Variants in RNLS observed in about 807,000 individuals in gnomAD.
RNLS encodes renalase, FAD dependent amine oxidase, also known as renalase.
In RNLS, 39 loss-of-function variants were observed where a neutral mutation model predicts 39.8. That is an observed-to-expected ratio of 0.98 (90% CI 0.76 to 1.28). The LOEUF (loss-of-function observed/expected upper bound fraction) is 1.28, where lower values mean the gene tolerates loss of function less well. Among genes scored for constraint, RNLS ranks in the 50% most tolerant of loss-of-function variants. RNLS has a pLI of 0.00. For synonymous variants in RNLS, 147 were observed against 150.7 expected (o/e 0.98, Z 0.18); for missense variants, 410 against 413.3 (o/e 0.99, Z 0.07).
rs114987088 is a variant in RNLS, at chr10:88,392,517, G to A, written c.527-29792C>T. 3.4e-3 allele frequency among the ~76,000 whole-genome samples: 519 copies of A among 152,294 alleles called. 5 individuals are homozygous for A. The highest frequency in any genetic ancestry group is 0.011 in the African/African-American group (469 of 41,570). ...TAGGCAAAGATTGGAGGACTTGTGAGCTCCAGGAATTTAAGAAAATCTTTG... is the reference window on the plus strand; with the variant it reads ...TAGGCAAAGATTGGAGGACTTGTGAACTCCAGGAATTTAAGAAAATCTTTG... On this transcript the variant is annotated intron_variant, in intron 4 of 6. Coordinates refer to ENST00000331772, the MANE Select transcript of RNLS (RefSeq NM_001031709.3).
chr10:88,200,748 G>T, the RNLS span, among the ~76,000 whole-genome samples: 4 of 152,186 alleles, frequency 2.6e-5, no homozygotes, highest in African/African-American at 9.7e-5. Context: ...TCACGGTAAA[G>T]AATTTGCTGC....
At chr10:88,179,330 A>G in the RNLS span, among the ~76,000 whole-genome samples, 4 of 152,240 alleles carry the variant, frequency 2.6e-5, no homozygotes, top group African/African-American at 9.6e-5. Flanking sequence ...GAGAAAAGCC[A>G]GCTCAAAAGT....
At chr10:88,341,312 A>G (rs1847939700) in intron 5 of RNLS, among the ~76,000 whole-genome samples, 1 of 144,082 alleles carries the variant, frequency 6.9e-6, no homozygotes, top group African/African-American at 2.6e-5. Flanking sequence ...CTGGGCAATG[A>G]GAGCAAAACT....
At chr10:88,459,679 G>T (rs1391459194) in intron 4 of RNLS, among the ~76,000 whole-genome samples, 1 of 152,110 alleles carries the variant, frequency 6.6e-6, no homozygotes, top group African/African-American at 2.4e-5. Context: ...CCACTGCTTG[G>T]AAGAGGACAA....
At chr10:88,196,783 A>C in the RNLS span, among the ~76,000 whole-genome samples, 2 of 152,204 alleles carry the variant, frequency 1.3e-5, no homozygotes, top group African/African-American at 4.8e-5. Flanking sequence ...TTATTGTTTT[A>C]ATTAATCCAC....
intron 4 of RNLS, among the ~76,000 whole-genome samples, chr10:88,430,992 T>C (rs1855104207): frequency 2.6e-5 from 4 of 151,694 alleles, no homozygotes; most frequent in Admixed American, 2.0e-4. Flanking sequence ...GCTTCATGAA[T>C]TAGGTTGGAA....
At chr10:88,513,415 G>C (rs572487690) in intron 4 of RNLS, among the ~76,000 whole-genome samples, 1 of 152,142 alleles carries the variant, frequency 6.6e-6, no homozygotes, top group East Asian at 1.9e-4. Flanking sequence ...TATTATAAAA[G>C]TTTTCAAATG....
the RNLS span, among the ~76,000 whole-genome samples, chr10:88,191,632 G>A: frequency 6.6e-6 from 1 of 152,160 alleles, no homozygotes; most frequent in African/African-American, 2.4e-5. Flanking sequence ...TATGCTCCTG[G>A]GGAGCCTGTG....
intron 4 of RNLS, among the ~76,000 whole-genome samples, chr10:88,544,372 C>T (rs1436403260): frequency 6.6e-6 from 1 of 152,204 alleles, no homozygotes; most frequent in Non-Finnish European, 1.5e-5. Flanking sequence ...CACTCTTCCT[C>T]ATTTGTTTCT....
intron 4 of RNLS, among the ~76,000 whole-genome samples, chr10:88,503,028 G>A (rs146220571): frequency 3.4e-4 from 51 of 152,182 alleles, no homozygotes; most frequent in African/African-American, 1.1e-3. Context: ...TCAATCCGTA[G>A]CCAATCATTT....
chr10:88,197,068 T>C, the RNLS span, among the ~76,000 whole-genome samples: 1 of 152,178 alleles, frequency 6.6e-6, no homozygotes, highest in Admixed American at 6.5e-5. Flanking sequence ...GTACAGGAGA[T>C]GAAAGTGCAT....
intron 6 of RNLS, among the ~76,000 whole-genome samples, chr10:88,299,907 G>A (rs1005222923): frequency 6.6e-6 from 1 of 152,104 alleles, no homozygotes; most frequent in African/African-American, 2.4e-5. Context: ...ACAGTTGTGA[G>A]GATCAAATGA....
chr10:88,349,879 TAATTA>T (rs1195182815), intron 5 of RNLS, among the ~76,000 whole-genome samples: 1 of 152,084 alleles, frequency 6.6e-6, no homozygotes, highest in Non-Finnish European at 1.5e-5. Context: ...TGACAGCTGT[TAATTA>T]AATTGCTTTA....
intron 4 of RNLS, among the ~76,000 whole-genome samples, chr10:88,539,360 A>T (rs1229746826): frequency 6.6e-6 from 1 of 152,188 alleles, no homozygotes. Context: ...AATTAAGATG[A>T]CAAAGGAGAA....
chr10:88,514,630 C>CTT (rs896833918), intron 4 of RNLS, among the ~76,000 whole-genome samples: 5 of 152,064 alleles, frequency 3.3e-5, no homozygotes, highest in African/African-American at 1.2e-4. Flanking sequence ...GCGTTTGACT[C>CTT]TTTTAGATAC....
Position 88,472,182 on chromosome 10 carries a change from G to A in RNLS, c.526+100721C>T, listed in dbSNP as rs111874220. ...AGTTAACCCCTTCCTTCCTGCCCAGGGCTGGGAAGGGGATGGCATAAGCAA... is the reference window on the plus strand; with the variant it reads ...AGTTAACCCCTTCCTTCCTGCCCAGAGCTGGGAAGGGGATGGCATAAGCAA... On this transcript the variant is annotated intron_variant, in intron 4 of 6. Coordinates refer to ENST00000331772, the MANE Select transcript of RNLS (RefSeq NM_001031709.3). Among the ~76,000 whole-genome samples, 402 of 152,278 alleles carry A rather than the reference G, an allele frequency of 2.6e-3. 2 individuals are homozygous for A. Among genetic ancestry groups the A allele is most frequent in the African/African-American group, 9.0e-3 (376 of 41,558 alleles).
At chr10:88,553,270 TG>T (rs1848687001) in intron 4 of RNLS, among the ~76,000 whole-genome samples, 2 of 152,222 alleles carry the variant, frequency 1.3e-5, no homozygotes, top group Non-Finnish European at 2.9e-5. Context: ...AATATAATCC[TG>T]GGATGCATTT....
At chr10:88,275,342 T>C (rs1229623378) in intron 6 of RNLS, among the ~76,000 whole-genome samples, 2 of 152,182 alleles carry the variant, frequency 1.3e-5, no homozygotes, top group Admixed American at 6.5e-5. Context: ...ATTTAAAACA[T>C]ATAGAATATA....
At chr10:88,468,036 C>T (rs1004242789) in intron 4 of RNLS, among the ~76,000 whole-genome samples, 1 of 152,018 alleles carries the variant, frequency 6.6e-6, no homozygotes, top group African/African-American at 2.4e-5. Flanking sequence ...CTTAACATTC[C>T]TTGAAATAAA....
Sources: allele counts gnomAD v4.1 joint callset (sites outside exome capture counted in the v4.1 genomes callset), GRCh38; gene constraint gnomAD v4.1.1; transcripts MANE v1.5; gene names NCBI Gene and HGNC (gene_info 2026-07-23, HGNC 2026-07-21).